The following ALMS1 variants were observed in gnomAD, a reference collection of about 807,000 sequenced individuals.
ALMS1 encodes ALMS1 centrosome and basal body associated protein, also known as centrosome-associated protein ALMS1.
Under a neutral mutation model 352.2 loss-of-function variants are expected in ALMS1, and 271 were observed. That is an observed-to-expected ratio of 0.77 (90% CI 0.70 to 0.85). The LOEUF (loss-of-function observed/expected upper bound fraction) is 0.85. ALMS1 is among the 40% of genes least tolerant of loss of function. The pLI, the probability that ALMS1 is intolerant of heterozygous loss-of-function variation, is 0.00. For synonymous variants in ALMS1, 1,865 were observed against 1,761.2 expected (o/e 1.06, Z -1.48); for missense variants, 5,445 against 4,870.7 (o/e 1.12, Z -3.51).
chr2:73,553,094 A>G (rs941832956), intron 13 of ALMS1, among the ~76,000 whole-genome samples: 17 of 152,192 alleles, frequency 1.1e-4, no homozygotes, highest in Admixed American at 8.5e-4. Flanking sequence ...ACCGAGGCAC[A>G]TGACCTTGAC....
chr2:73,585,580 G>A (rs1675293517), intron 16 of ALMS1, among the ~76,000 whole-genome samples: 2 of 151,482 alleles, frequency 1.3e-5, no homozygotes, highest in Admixed American at 6.6e-5. Flanking sequence ...ATTTTTAGTA[G>A]AGATGGGGTT....
chr2:73,599,314 A>T, intron 16 of ALMS1, 87 bp from the exon 17 acceptor site: 4 of 1,544,398 alleles, frequency 2.6e-6, no homozygotes, highest in Non-Finnish European at 3.5e-6. Flanking sequence ...ATTGGATTAG[A>T]AAGAGGACTT....
chr2:73,521,541 C>T (rs1673675738), intron 11 of ALMS1, among the ~76,000 whole-genome samples: 1 of 149,470 alleles, frequency 6.7e-6, no homozygotes, highest in Admixed American at 6.7e-5. Flanking sequence ...TCGAGACCGT[C>T]CTGGCTAACA....
intron 11 of ALMS1, among the ~76,000 whole-genome samples, chr2:73,533,291 T>G (rs546933494): frequency 1.9e-4 from 29 of 152,356 alleles, no homozygotes; most frequent in African/African-American, 6.5e-4. Flanking sequence ...ACCAAGACTT[T>G]CCTGGGAATT....
chr2:73,397,712 C>T (rs538325857), intron 1 of ALMS1, among the ~76,000 whole-genome samples: 1 of 152,282 alleles, frequency 6.6e-6, no homozygotes, highest in African/African-American at 2.4e-5. Flanking sequence ...AGGTGATCCA[C>T]CTGCCTCGGC....
At chr2:73,495,621 G>T (rs1673087377) in intron 10 of ALMS1, among the ~76,000 whole-genome samples, 1 of 152,044 alleles carries the variant, frequency 6.6e-6, no homozygotes, top group South Asian at 2.1e-4. Flanking sequence ...ATTGCTGGTG[G>T]GATGTTGCTG....
chr2:73,525,608 G>A (rs182473437), intron 11 of ALMS1, among the ~76,000 whole-genome samples: 22 of 151,910 alleles, frequency 1.4e-4, no homozygotes, highest in African/African-American at 4.3e-4. Flanking sequence ...TCTTTTGCCC[G>A]TTTTTAAATT....
At position 73,488,863 on chromosome 2, in the gene ALMS1, A is replaced by G. The variant is rs149221453; in HGVS notation, c.7675-771A>G. 3.7e-3 allele frequency among the ~76,000 whole-genome samples: 565 copies of G among 152,324 alleles called. 2 individuals carry two copies. Among genetic ancestry groups the G allele is most frequent in the Non-Finnish European group, 6.7e-3 (455 of 68,034 alleles). The stretch of plus-strand genomic sequence containing the variant: ...TATGGTAGCTTTGAGTACTGATCCT[A>G]TGCGCCAGGAAACAAGGTCTTGGTT... On this transcript the variant is annotated intron_variant, in intron 9 of 22. Transcript: ENST00000613296.
chr2:73,448,594 T>A lies in ALMS1; in HGVS notation c.2067T>A (p.Thr689=). Residue 689 remains threonine (T), a synonymous_variant, in exon 8 of 23, where the codon ACT becomes ACA. Transcript: ENST00000613296. ...YRQTLPDGHL[T]DQALKVSAVS... ...AGACCTTGCCAGATGGTCATCTAAC[T>A]GATCAGGCTCTGAAAGTCTCAGCTG... 1 of 1,613,898 alleles carries A rather than the reference T, an allele frequency of 6.2e-7. No homozygotes were observed. The highest frequency in any genetic ancestry group is 8.5e-7 in the Non-Finnish European group (1 of 1,179,940).
chr2:73,414,472 C>CG (rs1572908071), intron 2 of ALMS1, among the ~76,000 whole-genome samples: 1 of 34,368 alleles, frequency 2.9e-5, no homozygotes, highest in East Asian at 1.2e-3. Context: ...TCTTTTTTTC[C>CG]GTTTTTTTTT....
In ALMS1 at chr2:73,386,048, CG is replaced by C; in HGVS notation, c.183del (p.Gln63SerfsTer6). ...GRELDSDSHYGPQHLESIDDE... is the reference protein window; with the variant it reads ...GRELDSDSHYXPQHLESIDDE... ...GGGAGTTGGACTCCGACTCTCACTA[CG>C]GGCCCCAGCATCTGGAAAGTATAGA... On this transcript the variant is annotated frameshift_variant, in exon 1 of 23. Transcript: ENST00000613296. LOFTEE classifies it high-confidence loss of function. 1 of 1,578,844 alleles carries C rather than the reference CG, an allele frequency of 6.3e-7. No individual in the cohort carries two copies. Among genetic ancestry groups the C allele is most frequent in the Non-Finnish European group, 8.6e-7 (1 of 1,162,894 alleles).
chr2:73,398,352 C>T (rs920842686), intron 1 of ALMS1, among the ~76,000 whole-genome samples: 1 of 152,128 alleles, frequency 6.6e-6, no homozygotes, highest in Non-Finnish European at 1.5e-5. Context: ...GTGTCTATTT[C>T]GTTGATACAT....
intron 4 of ALMS1, 143 bp downstream of exon 4, chr2:73,423,117 C>T: frequency 1.4e-6 from 1 of 736,324 alleles, no homozygotes; most frequent in Non-Finnish European, 2.4e-6. Flanking sequence ...AAGTCCTGTA[C>T]TAAGACTTGA....
chr2:73,513,832 C>T (rs1464955937), intron 10 of ALMS1, among the ~76,000 whole-genome samples: 5 of 152,130 alleles, frequency 3.3e-5, no homozygotes, highest in Non-Finnish European at 7.4e-5. Context: ...TGCTTGAATT[C>T]TAATACTCTG....
In ALMS1 at chr2:73,493,096, G is replaced by A. The variant is rs1572972087; in HGVS notation, c.9539+1598G>A. Among the ~76,000 whole-genome samples the A allele has an allele frequency of 2.0e-5, 3 of 152,200 alleles. No homozygotes were observed. In the East Asian group the frequency reaches 5.8e-4, roughly 29 times the overall value. On this transcript the variant is annotated intron_variant, in intron 10 of 22. Coordinates refer to ENST00000613296, the MANE Select transcript of ALMS1 (RefSeq NM_001378454.1). ...AAAAATGAGATAAAGCTATGAATGA[G>A]AAGAAAGTAATAGATGATTATATAT...
At chr2:73,535,227 C>T (rs1015734613) in intron 12 of ALMS1, among the ~76,000 whole-genome samples, 2 of 152,074 alleles carry the variant, frequency 1.3e-5, no homozygotes, top group African/African-American at 4.8e-5. Context: ...GTTCACAGTA[C>T]CCTTAGTTGT....
intron 9 of ALMS1, chr2:73,471,056 A>C (rs1449851754): frequency 6.6e-6 from 1 of 151,836 alleles, no homozygotes; most frequent in African/African-American, 2.4e-5. Flanking sequence ...CAGCCACTAT[A>C]TGTTTTTTGA....
chr2:73,452,255 T>G lies in ALMS1; in HGVS notation c.5728T>G (p.Leu1910Val). Residue 1910 changes from leucine (L) to valine (V), a missense_variant, in exon 8 of 23, where the codon TTG (leucine) becomes GTG (valine). By Grantham distance (32) the Leu-to-Val change is conservative. Transcript: ENST00000613296. ...EKASIFHQQE[L>V]PDVTEEALNV... ...GGCCAGTATTTTTCATCAGCAGGAG[T>G]TGCCAGATGTTACTGAAGAAGCTTT... is the stretch of plus-strand genomic sequence containing the variant. 1 of 1,613,928 alleles carries G rather than the reference T, an allele frequency of 6.2e-7. No individual in the cohort carries two copies. The highest frequency in any genetic ancestry group is 1.1e-5 in the South Asian group (1 of 91,074).
rs1377721037 is a variant in ALMS1 at position 73,494,148 on chromosome 2, G to A, written c.9539+2650G>A. Among the ~76,000 whole-genome samples, 4 of 152,274 alleles carry A rather than the reference G, an allele frequency of 2.6e-5. No individual in the cohort carries two copies. The East Asian group carries it at 7.7e-4, about 29-fold the overall frequency. ...AGCTTCCCTTAGTGAGGCAGTGAGA[G>A]GGCAAGAGAGGGTGCCCAAAACAAA... On this transcript the variant is annotated intron_variant, in intron 10 of 22. Coordinates refer to ENST00000613296, the MANE Select transcript of ALMS1 (RefSeq NM_001378454.1).
Sources: gnomAD v4.1 joint callset for allele counts (sites outside exome capture counted in the v4.1 genomes callset) on GRCh38, gnomAD v4.1.1 for gene constraint, MANE v1.5 for transcripts, NCBI Gene and HGNC (gene_info 2026-07-23, HGNC 2026-07-21) for gene names.